LDB2: variants seen among roughly 807,000 people sequenced by gnomAD.
The protein encoded by LDB2 is LIM domain-binding protein 2.
Under a neutral mutation model 44.3 loss-of-function variants are expected in LDB2, and 12 were observed. That is an observed-to-expected ratio of 0.27 (90% confidence interval 0.17 to 0.44). The LOEUF (loss-of-function observed/expected upper bound fraction) is 0.44. Among genes scored for constraint, LDB2 ranks in the 20% least tolerant of loss-of-function variants. The probability of loss-of-function intolerance (pLI) is 1.00; values close to 1 mark genes in which losing one functional copy is unlikely to be tolerated. For missense variants in LDB2, 344 were observed against 473.5 expected (o/e 0.73, Z 2.54); for synonymous variants, 164 against 174.8 (o/e 0.94, Z 0.49).
chr4:16,619,263 G>A (rs1728202687), intron 2 of LDB2, among the ~76,000 whole-genome samples: 1 of 152,048 alleles, frequency 6.6e-6, no homozygotes, highest in African/African-American at 2.4e-5. Flanking sequence ...AACTCCTCAA[G>A]GCTTACCCTA....
intron 2 of LDB2, among the ~76,000 whole-genome samples, chr4:16,734,488 C>CA (rs1214646849): frequency 6.6e-6 from 1 of 151,800 alleles, no homozygotes; most frequent in Non-Finnish European, 1.5e-5. Flanking sequence ...TTCATTAAAA[C>CA]AAAAAAAGGT....
At chr4:16,763,439 TAC>T (rs56114847) in intron 1 of LDB2, among the ~76,000 whole-genome samples, 5,205 of 141,146 alleles carry the variant, frequency 0.037, 105 homozygotes, top group Non-Finnish European at 0.041. Flanking sequence ...TGTAAACACG[TAC>T]ACACACACAC....
At chr4:16,797,938 G>A (rs932330895) in intron 1 of LDB2, among the ~76,000 whole-genome samples, 3 of 151,548 alleles carry the variant, frequency 2.0e-5, no homozygotes, top group African/African-American at 7.3e-5. Context: ...GGGAGGCTGA[G>A]GCAGGAGAAT....
intron 2 of LDB2, among the ~76,000 whole-genome samples, chr4:16,756,775 A>G (rs1766751686): frequency 6.6e-6 from 1 of 152,160 alleles, no homozygotes; most frequent in Admixed American, 6.5e-5. Flanking sequence ...TACAATAAAT[A>G]AATAAGCAGA....
intron 4 of LDB2, among the ~76,000 whole-genome samples, chr4:16,586,528 A>AACACACACACACACACAC (rs375304103): frequency 2.9e-5 from 2 of 69,434 alleles, no homozygotes; most frequent in Non-Finnish European, 7.1e-5. Context: ...ACACACACAA[A>AACACACACACACACACAC]ACACACACAC....
chr4:16,612,496 T>A (rs912182443), intron 2 of LDB2, among the ~76,000 whole-genome samples: 2 of 151,508 alleles, frequency 1.3e-5, no homozygotes, highest in Admixed American at 1.3e-4. Flanking sequence ...GAAAAAAGAA[T>A]CAAATAGACA....
intron 1 of LDB2, among the ~76,000 whole-genome samples, chr4:16,870,132 GA>G: frequency 6.6e-6 from 1 of 152,284 alleles, no homozygotes; most frequent in Admixed American, 6.5e-5. Context: ...ATTCAGAGGT[GA>G]AGGAAGGAGA....
chr4:16,563,814 C>T (rs1159343033), intron 5 of LDB2, among the ~76,000 whole-genome samples: 5 of 152,020 alleles, frequency 3.3e-5, no homozygotes, highest in South Asian at 2.1e-4. Context: ...CACACCATGG[C>T]GGACCTGATC....
At position 16,533,892 on chromosome 4, in the gene LDB2, T is replaced by C. The variant is rs1489402164; in HGVS notation, c.616-21788A>G. On this transcript the variant is annotated intron_variant, in intron 5 of 7. Coordinates refer to ENST00000304523, the MANE Select transcript of LDB2 (RefSeq NM_001290.5). The surrounding 1 kb of genome is among the most constrained non-coding windows in gnomAD (Gnocchi z 4.1). ...ACCGAAGTAAAAATCTTCATGCCAG[T>C]GAGGCTTTTAAGTATTGATATTTCC... Among the ~76,000 whole-genome samples the C allele has an allele frequency of 6.6e-6, 1 of 152,226 alleles. No homozygotes were observed. Among genetic ancestry groups the C allele is most frequent in the Admixed American group, 6.5e-5 (1 of 15,288 alleles).
At chr4:16,568,120 A>G (rs530490383) in intron 5 of LDB2, among the ~76,000 whole-genome samples, 3 of 152,342 alleles carry the variant, frequency 2.0e-5, no homozygotes, top group South Asian at 4.1e-4. Context: ...GCAATTCCAT[A>G]TAATTCAATC....
At chr4:16,640,600 T>C (rs1209944714) in intron 2 of LDB2, among the ~76,000 whole-genome samples, 1 of 152,216 alleles carries the variant, frequency 6.6e-6, no homozygotes, top group Admixed American at 6.5e-5. Context: ...TTAAAACTAC[T>C]TGTTATATGT....
Position 16,707,078 on chromosome 4 carries a change from A to G in LDB2, c.235+52080T>C, listed in dbSNP as rs116725432. On this transcript the variant is annotated intron_variant, in intron 2 of 7. Transcript: ENST00000304523. The stretch of plus-strand genomic sequence containing the variant: ...TCATTTTAATTCCTTTGCCCTTCTC[A>G]GTAAAATTAATAATAATCCCATTTA... Among the ~76,000 whole-genome samples the G allele has an allele frequency of 7.1e-3, 1,076 of 152,326 alleles. 18 individuals carry two copies. Among genetic ancestry groups the G allele is most frequent in the African/African-American group, 0.025 (1,021 of 41,564 alleles).
At chr4:16,585,707 T>C (rs192416023) in intron 5 of LDB2, among the ~76,000 whole-genome samples, 112 of 152,234 alleles carry the variant, frequency 7.4e-4, no homozygotes, top group African/African-American at 2.5e-3. Flanking sequence ...CATACAGATA[T>C]AGGACTCAAC....
At chr4:16,567,676 A>G (rs1258721617) in intron 5 of LDB2, among the ~76,000 whole-genome samples, 1 of 152,206 alleles carries the variant, frequency 6.6e-6, no homozygotes, top group Admixed American at 6.5e-5. Context: ...AGGCTGAGGC[A>G]GGAGAATGGC....
intron 5 of LDB2, among the ~76,000 whole-genome samples, chr4:16,535,108 G>A (rs943409168): frequency 1.3e-5 from 2 of 152,172 alleles, no homozygotes; most frequent in East Asian, 3.8e-4. Context: ...AAGGGGCTTC[G>A]GGTCAGCTGC....
chr4:16,741,386 TCC>T (rs1196706915), intron 2 of LDB2: 2 of 152,022 alleles, frequency 1.3e-5, no homozygotes, highest in East Asian at 1.9e-4. Flanking sequence ...TCCAGAGAGG[TCC>T]CAGCTGAGCA....
chr4:16,735,159 C>T (rs749657648), intron 2 of LDB2, among the ~76,000 whole-genome samples: 5 of 152,132 alleles, frequency 3.3e-5, no homozygotes, highest in Non-Finnish European at 7.3e-5. Flanking sequence ...ATTATGAGTG[C>T]CTGTCCACAT....
chr4:16,648,955 A>C (rs1737524226), intron 2 of LDB2, among the ~76,000 whole-genome samples: 1 of 152,166 alleles, frequency 6.6e-6, no homozygotes, highest in South Asian at 2.1e-4. Context: ...AGCTGAAGCC[A>C]ATAATTTGAT....
chr4:16,518,717 A>T (rs2152267390), intron 5 of LDB2, among the ~76,000 whole-genome samples: 1 of 152,372 alleles, frequency 6.6e-6, no homozygotes, highest in Non-Finnish European at 1.5e-5. Context: ...TATTCCAAGA[A>T]GGTGGCTGCA....
Sources: gnomAD v4.1 joint callset for allele counts (sites outside exome capture counted in the v4.1 genomes callset) on GRCh38, gnomAD v4.1.1 for gene constraint, Gnocchi (gnomAD v3.1) non-coding constraint, MANE v1.5 for transcripts, NCBI Gene and HGNC (gene_info 2026-07-23, HGNC 2026-07-21) for gene names.